SLC35F3: variants seen among roughly 807,000 people sequenced by gnomAD.
The protein encoded by SLC35F3 is putative thiamine transporter SLC35F3.
Under a neutral mutation model 49.9 loss-of-function variants are expected in SLC35F3, and 25 were observed. The ratio of observed to expected loss-of-function variants is 0.50; its 90% CI spans 0.37 to 0.70. SLC35F3 has a LOEUF of 0.70. SLC35F3 is among the 30% of genes least tolerant of loss of function. The pLI is 0.00. For missense variants in SLC35F3, 525 were observed against 639.8 expected (o/e 0.82, Z 1.94); for synonymous variants, 275 against 265.4 (o/e 1.04, Z -0.35).
chr1:234,160,981 A>G (rs1572075388), intron 2 of SLC35F3, among the ~76,000 whole-genome samples: 1 of 152,126 alleles, frequency 6.6e-6, no homozygotes, highest in African/African-American at 2.4e-5. Flanking sequence ...CTCTTCCTCC[A>G]TCTCTCTTGG....
At chr1:233,924,609 G>A (rs1018369234) in intron 2 of SLC35F3, among the ~76,000 whole-genome samples, 2 of 152,108 alleles carry the variant, frequency 1.3e-5, no homozygotes, top group Non-Finnish European at 2.9e-5. Flanking sequence ...ATTTTTTGAA[G>A]GGTTTTTTGT....
intron 5 of SLC35F3, 130 bp from the exon 6 acceptor site, chr1:234,318,621 G>A: frequency 2.7e-6 from 2 of 743,420 alleles, no homozygotes; most frequent in South Asian, 2.0e-5. Context: ...AAACCCCATG[G>A]AATTCACCTG....
chr1:234,133,409 A>G (rs146510108), intron 2 of SLC35F3, among the ~76,000 whole-genome samples: 1,900 of 152,242 alleles, frequency 0.012, 37 homozygotes, highest in African/African-American at 0.042. Context: ...TCCACACTAC[A>G]TGGAAGACCA....
At position 234,121,198 on chromosome 1, in the gene SLC35F3, G is replaced by A. The variant is rs370445937; in HGVS notation, c.284-110219G>A. On this transcript the variant is annotated intron_variant, in intron 2 of 7. Coordinates refer to ENST00000366618, the MANE Select transcript of SLC35F3 (RefSeq NM_173508.4). Reference sequence around the variant, plus strand: ...GTGGCCCAGGCTGGACTGCAGTGGCGCAATCTTGGCTCACTGCAAGCTCCA... The same window carrying A: ...GTGGCCCAGGCTGGACTGCAGTGGCACAATCTTGGCTCACTGCAAGCTCCA... Among the ~76,000 whole-genome samples the A allele has an allele frequency of 4.0e-4, 58 of 144,990 alleles. 1 individual carries two copies. The South Asian group carries it at 0.011, about 28-fold the overall frequency.
intron 2 of SLC35F3, among the ~76,000 whole-genome samples, chr1:234,125,431 T>C (rs367940483): frequency 5.9e-5 from 9 of 152,174 alleles, no homozygotes; most frequent in Non-Finnish European, 7.3e-5. Context: ...GCAAATCACG[T>C]GGCTGCTCTT....
intron 2 of SLC35F3, among the ~76,000 whole-genome samples, chr1:234,167,864 TC>T (rs1197573309): frequency 1.3e-5 from 2 of 152,182 alleles, no homozygotes; most frequent in Non-Finnish European, 2.9e-5. Flanking sequence ...CTGTCTTGCC[TC>T]CCAGCCCATG....
chr1:234,276,513 C>T (rs557650245), intron 3 of SLC35F3, among the ~76,000 whole-genome samples: 1 of 151,758 alleles, frequency 6.6e-6, no homozygotes, highest in African/African-American at 2.4e-5. Context: ...GCTTATTGTA[C>T]ATGGATTCTA....
intron 4 of SLC35F3, among the ~76,000 whole-genome samples, chr1:234,309,688 G>C (rs1657300668): frequency 6.6e-6 from 1 of 152,208 alleles, no homozygotes; most frequent in South Asian, 2.1e-4. Context: ...TGGCATGACC[G>C]TGCCCTGCAG....
At position 234,143,437 on chromosome 1, in the gene SLC35F3, C is replaced by A. The variant is rs1004854738; in HGVS notation, c.284-87980C>A. 2.6e-5 allele frequency among the ~76,000 whole-genome samples: 4 copies of A among 152,012 alleles called. No homozygotes were observed. The East Asian group carries it at 7.7e-4, about 29-fold the overall frequency. Reference sequence around the variant, plus strand: ...CCAAGTAGCTGGGATTATAGGTGCACACCATCATGCCCGGCTAATTTTTTG... The same window carrying A: ...CCAAGTAGCTGGGATTATAGGTGCAAACCATCATGCCCGGCTAATTTTTTG... On this transcript the variant is annotated intron_variant, in intron 2 of 7. Transcript: ENST00000366618.
intron 2 of SLC35F3, among the ~76,000 whole-genome samples, chr1:234,047,461 C>T (rs1664307931): frequency 6.6e-6 from 1 of 152,174 alleles, no homozygotes; most frequent in Non-Finnish European, 1.5e-5. Context: ...GAGGGAATTC[C>T]TCTTGCCTGA....
intron 2 of SLC35F3, among the ~76,000 whole-genome samples, chr1:234,216,248 C>A (rs1196506096): frequency 2.0e-5 from 3 of 152,158 alleles, no homozygotes; most frequent in African/African-American, 7.2e-5. Flanking sequence ...AAGCTGCCCA[C>A]TCCTACCTCC....
At chr1:234,286,116 GATA>G (rs1315568702) in intron 3 of SLC35F3, among the ~76,000 whole-genome samples, 2 of 152,116 alleles carry the variant, frequency 1.3e-5, no homozygotes, top group Non-Finnish European at 2.9e-5. Flanking sequence ...CAAAAGGTCT[GATA>G]ATAACGTTTT....
intron 3 of SLC35F3, among the ~76,000 whole-genome samples, chr1:234,249,059 G>A (rs61823374): frequency 3.3e-5 from 5 of 152,164 alleles, no homozygotes; most frequent in Admixed American, 6.5e-5. Flanking sequence ...ACTGGCCAGC[G>A]AGTAAGTCAG....
chr1:234,066,980 T>C (rs1429912805), intron 2 of SLC35F3, among the ~76,000 whole-genome samples: 1 of 152,218 alleles, frequency 6.6e-6, no homozygotes, highest in Non-Finnish European at 1.5e-5. Flanking sequence ...TGAATAAAGC[T>C]AGTCACTTAA....
intron 2 of SLC35F3, among the ~76,000 whole-genome samples, chr1:234,118,893 T>G (rs2102891982): frequency 6.6e-6 from 1 of 152,102 alleles, no homozygotes; most frequent in African/African-American, 2.4e-5. Flanking sequence ...TTCTTTTTTT[T>G]TTTTTACAAA....
At chr1:234,269,807 A>T (rs1277165193) in intron 3 of SLC35F3, among the ~76,000 whole-genome samples, 1 of 151,952 alleles carries the variant, frequency 6.6e-6, no homozygotes, top group Non-Finnish European at 1.5e-5. Flanking sequence ...CTGGTTTTTT[A>T]AAAAATGGCT....
At chr1:233,936,308 T>A (rs1207868678) in intron 2 of SLC35F3, among the ~76,000 whole-genome samples, 1 of 152,158 alleles carries the variant, frequency 6.6e-6, no homozygotes, top group East Asian at 1.9e-4. Flanking sequence ...GCAGACAGAG[T>A]GACATCTCCA....
chr1:234,081,965 C>T (rs1420231106), intron 2 of SLC35F3, among the ~76,000 whole-genome samples: 1 of 126,024 alleles, frequency 7.9e-6, no homozygotes, highest in Non-Finnish European at 1.6e-5. Flanking sequence ...CCATGTTAGC[C>T]AGGATGGTCT....
intron 2 of SLC35F3, among the ~76,000 whole-genome samples, chr1:234,038,283 G>A (rs6699689): frequency 0.14 from 20,961 of 150,786 alleles, 4,179 homozygotes; most frequent in African/African-American, 0.45. Flanking sequence ...TCCCTACAAA[G>A]GACATGAACT....
Sources: allele counts gnomAD v4.1 joint callset (sites outside exome capture counted in the v4.1 genomes callset), GRCh38; gene constraint gnomAD v4.1.1; transcripts MANE v1.5; gene names NCBI Gene and HGNC (gene_info 2026-07-23, HGNC 2026-07-21).